Variants in ABCA5 observed in about 807,000 individuals in gnomAD.
ABCA5 encodes the protein ATP binding cassette subfamily A member 5.
ABCA5 carries 163 observed loss-of-function variants against 206.0 expected under a neutral mutation model. The observed-to-expected ratio is 0.79, with a 90% CI of 0.70 to 0.90. The LOEUF is 0.90. Ranked by LOEUF, ABCA5 falls within the 40% of genes least tolerant of loss-of-function variation. The pLI is 0.00. For synonymous variants in ABCA5, 609 were observed against 613.8 expected (o/e 0.99, Z 0.11); for missense variants, 1,859 against 1,912.9 (o/e 0.97, Z 0.53).
At chr17:69,254,001 A>G (rs1271896395) in intron 32 of ABCA5, 132 bp from the exon 33 acceptor site, 4 of 678,544 alleles carry the variant, frequency 5.9e-6, no homozygotes, top group Non-Finnish European at 9.7e-6. Flanking sequence ...AGGTAAGGGC[A>G]AAAGTCTCCA....
intron 27 of ABCA5, 45 bp downstream of exon 27, chr17:69,260,293 A>G: frequency 7.1e-7 from 1 of 1,403,502 alleles, no homozygotes; most frequent in Middle Eastern, 1.8e-4. Context: ...GGACCAAACC[A>G]TTCTTAAGGT....
chr17:69,291,958 T>A (rs511854), intron 11 of ABCA5, among the ~76,000 whole-genome samples: 1 of 151,898 alleles, frequency 6.6e-6, no homozygotes, highest in Non-Finnish European at 1.5e-5. Flanking sequence ...ACAAAAAATA[T>A]AAAAATTAGC....
chr17:69,306,318 T>TTA (rs2075716146), intron 6 of ABCA5, among the ~76,000 whole-genome samples: 2 of 152,230 alleles, frequency 1.3e-5, no homozygotes, highest in Admixed American at 1.3e-4. Flanking sequence ...ATTTTTAATA[T>TTA]TATATATATG....
intron 19 of ABCA5, 41 bp downstream of exon 19, chr17:69,277,600 A>C: frequency 6.7e-7 from 1 of 1,499,544 alleles, no homozygotes; most frequent in South Asian, 1.3e-5. Context: ...TGTATCCTTA[A>C]AAAGCAATCC....
Position 69,287,639 on chromosome 17 carries a change from A to C in ABCA5, c.2015T>G (p.Phe672Cys), listed in dbSNP as rs2075472840. The change falls in exon 15 of 39, where the codon TTC becomes TGC. Residue 672 changes from phenylalanine to cysteine, a missense_variant. Physicochemically the swap from Phe to Cys is radical, Grantham distance 205. Transcript: ENST00000392676. Reference protein sequence around the residue: ...ANRVTVFSTHFMDEADILADR... With the variant: ...ANRVTVFSTHCMDEADILADR... ...TGCAAGAATGTCAGCTTCATCCATG[A>C]AATGAGTACTGAACACTGTCACCCG... 6.2e-7 allele frequency: 1 copy of C among 1,611,864 alleles called. No homozygotes were observed. The highest frequency in any genetic ancestry group is 1.7e-5 in the Admixed American group (1 of 59,552).
intron 18 of ABCA5, among the ~76,000 whole-genome samples, chr17:69,278,573 C>T (rs2075358002): frequency 6.6e-6 from 1 of 152,070 alleles, no homozygotes. Context: ...TGTACATGAT[C>T]AATGACAGTG....
At chr17:69,325,923 C>T (rs1043034936) in intron 1 of ABCA5, 1 of 152,208 alleles carries the variant, frequency 6.6e-6, no homozygotes, top group African/African-American at 2.4e-5. Context: ...AGGAAATATA[C>T]TCAAACAGCA....
chr17:69,288,465 A>G (rs1420651239), intron 14 of ABCA5, among the ~76,000 whole-genome samples: 1 of 152,212 alleles, frequency 6.6e-6, no homozygotes, highest in East Asian at 1.9e-4. Flanking sequence ...TAACTATAAC[A>G]AATATTTTTT....
intron 1 of ABCA5, among the ~76,000 whole-genome samples, chr17:69,322,617 C>A (rs993517636): frequency 1.3e-5 from 2 of 151,906 alleles, no homozygotes; most frequent in Non-Finnish European, 2.9e-5. Context: ...CTTAGAAGAG[C>A]CTCTCTCTTC....
intron 1 of ABCA5, chr17:69,319,018 T>A (rs1424525692): frequency 4.5e-6 from 2 of 441,426 alleles, no homozygotes; most frequent in Non-Finnish European, 4.1e-6. Context: ...GGGCCTGTTT[T>A]ACTATGATGT....
intron 9 of ABCA5, among the ~76,000 whole-genome samples, chr17:69,300,246 C>T (rs967707750): frequency 6.6e-6 from 1 of 152,120 alleles, no homozygotes; most frequent in Non-Finnish European, 1.5e-5. Context: ...TTCACATGCG[C>T]GGTTCGCAAT....
chr17:69,300,559 T>C (rs2075641629), intron 9 of ABCA5, among the ~76,000 whole-genome samples: 1 of 152,198 alleles, frequency 6.6e-6, no homozygotes, highest in African/African-American at 2.4e-5. Context: ...TACTGAGCAC[T>C]TGGAATGTGG....
intron 20 of ABCA5, among the ~76,000 whole-genome samples, 180 bp from the exon 21 acceptor site, chr17:69,271,469 T>C (rs2075273331): frequency 6.6e-6 from 1 of 152,040 alleles, no homozygotes; most frequent in South Asian, 2.1e-4. Context: ...CATTAAACTA[T>C]TCGTCCTTCA....
At chr17:69,318,515 A>G (rs2075836491) in intron 1 of ABCA5, among the ~76,000 whole-genome samples, 1 of 152,234 alleles carries the variant, frequency 6.6e-6, no homozygotes, top group Non-Finnish European at 1.5e-5. Context: ...TAAATTAGCA[A>G]TGGAATTAAA....
At chr17:69,301,113 G>T in intron 9 of ABCA5, 26 bp downstream of exon 9, 1 of 1,489,892 alleles carries the variant, frequency 6.7e-7, no homozygotes, top group Non-Finnish European at 8.9e-7. Context: ...AATCTTTAAA[G>T]TAAAATTCAA....
At chr17:69,303,822 ATATG>A (rs1341068334) in intron 7 of ABCA5, among the ~76,000 whole-genome samples, 1 of 8,916 alleles carries the variant, frequency 1.1e-4, no homozygotes, top group Non-Finnish European at 7.5e-4. Flanking sequence ...ACATATATAT[ATATG>A]TATATATATA....
chr17:69,295,786 G>A lies in ABCA5; in HGVS notation c.1437-1073C>T, dbSNP rs146527419. 1.6e-4 allele frequency among the ~76,000 whole-genome samples: 24 copies of A among 152,162 alleles called. No homozygotes were observed. The East Asian group carries it at 4.2e-3, about 27-fold the overall frequency. ...TGCATTCATGACATACCTAACATTT[G>A]TTTTTGGTATTTCTAGGCTAACAGT... On this transcript the variant is annotated intron_variant, in intron 10 of 38. Transcript: ENST00000392676.
chr17:69,284,236 C>T (rs1202191438), intron 17 of ABCA5, among the ~76,000 whole-genome samples, 164 bp from the exon 18 acceptor site: 3 of 152,068 alleles, frequency 2.0e-5, no homozygotes, highest in Non-Finnish European at 4.4e-5. Context: ...CTGATGCAAG[C>T]CTGTAGTCTT....
chr17:69,260,474 G>GA, intron 26 of ABCA5, 62 bp from the exon 27 acceptor site: 2 of 1,122,786 alleles, frequency 1.8e-6, no homozygotes, highest in South Asian at 2.8e-5. Context: ...GGATTAAAAT[G>GA]AAAAAATGTA....
Sources: allele counts gnomAD v4.1 joint callset (sites outside exome capture counted in the v4.1 genomes callset), GRCh38; gene constraint gnomAD v4.1.1; transcripts MANE v1.5; gene names NCBI Gene and HGNC (gene_info 2026-07-23, HGNC 2026-07-21).